FAM174C: variants seen among roughly 807,000 people sequenced by gnomAD.
FAM174C encodes the protein protein FAM174C.
A neutral mutation model predicts 12.3 loss-of-function variants in FAM174C; 19 were observed. The observed-to-expected ratio is 1.55, with a 90% CI of 1.08 to 2.27. The LOEUF is 2.27. Among genes scored for constraint, FAM174C ranks in the 30% most tolerant of loss-of-function variants. The pLI, the probability that FAM174C is intolerant of heterozygous loss-of-function variation, is 0.00. For synonymous variants in FAM174C, 147 were observed against 103.5 expected, an observed-to-expected ratio of 1.42 and a Z score of -2.55; for missense variants, 239 against 190.2, an observed-to-expected ratio of 1.26 and a Z score of -1.51.
Position 1,277,201 on chromosome 19 carries a change from G to A in FAM174C, c.300G>A (p.Arg100=), listed in dbSNP as rs1254702253. The change falls in exon 2 of 3, where the codon CGG becomes CGA. Residue 100 remains arginine (R), a synonymous_variant. Transcript: ENST00000409293. ...IRAFRLKKPQ[R]RRYGLLANTE... is the part of the protein sequence containing the mutation. Reference sequence around the variant, plus strand: ...CTTCCAGGTTGAAGAAGCCTCAGCGGAGGCGATACGGCCTCCTCGCCAACA... The same window carrying A: ...CTTCCAGGTTGAAGAAGCCTCAGCGAAGGCGATACGGCCTCCTCGCCAACA... 3.9e-6 allele frequency: 6 copies of A among 1,543,276 alleles called. No homozygotes were observed. Among genetic ancestry groups the A allele is most frequent in the Non-Finnish European group, 5.3e-6 (6 of 1,140,828 alleles).
At position 1,278,808 on chromosome 19, in the gene FAM174C, G is replaced by T; in HGVS notation, c.*31G>T. Reference sequence around the variant, plus strand: ...AGCCAGGGAGGCGGCCCTTCCAGCAGCCATGAGGGAAGGACAGGAGATGGG... The same window carrying T: ...AGCCAGGGAGGCGGCCCTTCCAGCATCCATGAGGGAAGGACAGGAGATGGG... On this transcript the variant is annotated 3_prime_UTR_variant, in exon 3 of 3. Transcript: ENST00000409293. 2 of 1,613,030 alleles carry T rather than the reference G, an allele frequency of 1.2e-6. No individual in the cohort carries two copies. The highest frequency in any genetic ancestry group is 8.5e-7 in the Non-Finnish European group (1 of 1,179,894).
chr19:1,278,268 G>C (rs1177852819), intron 2 of FAM174C, among the ~76,000 whole-genome samples: 1 of 152,262 alleles, frequency 6.6e-6, no homozygotes, highest in African/African-American at 2.4e-5. Flanking sequence ...TCAGGCCGAG[G>C]GAACAGCAGG....
chr19:1,278,732 G>A (rs745889214), intron 2 of FAM174C, 45 bp from the exon 3 acceptor site: 34 of 1,608,690 alleles, frequency 2.1e-5, no homozygotes, highest in African/African-American at 2.7e-5. Context: ...CCGGCAGGGC[G>A]GGCCCTTCAC....
At chr19:1,277,048 G>A in intron 1 of FAM174C, 135 bp from the exon 2 acceptor site, 2 of 1,324,562 alleles carry the variant, frequency 1.5e-6, no homozygotes, top group Non-Finnish European at 2.0e-6. Context: ...CATGAAAGAA[G>A]CAGGCACAGC....
Position 1,278,838 on chromosome 19 carries a change from A to G in FAM174C, c.*61A>G. ...GAGGGAAGGACAGGAGATGGGGCCC[A>G]CCCCAGTGCCCAGCAACCCCCTGCT... On this transcript the variant is annotated 3_prime_UTR_variant, in exon 3 of 3. Coordinates refer to ENST00000409293, the MANE Select transcript of FAM174C (RefSeq NM_017914.4). 1 of 1,612,998 alleles carries G rather than the reference A, an allele frequency of 6.2e-7. No individual in the cohort carries two copies. Among genetic ancestry groups the G allele is most frequent in the Non-Finnish European group, 8.5e-7 (1 of 1,179,884 alleles).
At chr19:1,276,999 T>C (rs1356915152) in intron 1 of FAM174C, 184 bp from the exon 2 acceptor site, 13 of 943,364 alleles carry the variant, frequency 1.4e-5, no homozygotes, top group Non-Finnish European at 1.8e-5. Context: ...CTTACTGTCA[T>C]CGCCATGGGA....
At position 1,279,201 on chromosome 19, in the gene FAM174C, G is replaced by C; in HGVS notation, c.*424G>C. The C allele has an allele frequency of 1.2e-6, 2 of 1,610,356 alleles. No homozygotes were observed. The highest frequency in any genetic ancestry group is 1.7e-6 in the Non-Finnish European group (2 of 1,178,394). On this transcript the variant is annotated 3_prime_UTR_variant, in exon 3 of 3. Transcript: ENST00000409293. ...TGGGAACACCTTCTCGCCGGGCTGG[G>C]AACAATAAATGCAGCCATGTCTCTG...
In FAM174C at chr19:1,277,289, A is replaced by T; in HGVS notation, c.388A>T (p.Asn130Tyr). ...SDEETVFESR[N>Y]LR is the part of the protein sequence containing the mutation. ...CGAGGAGACGGTGTTTGAGTCCCGG[A>T]ATCTGAGATGGTGTGCACCCTTCCC... Residue 130 changes from asparagine (N) to tyrosine (Y), a missense_variant, in exon 2 of 3, where the codon AAT (asparagine) becomes TAT (tyrosine). Transcript: ENST00000409293. 6.5e-7 allele frequency: 1 copy of T among 1,547,846 alleles called. No individual in the cohort carries two copies. Among genetic ancestry groups the T allele is most frequent in the Non-Finnish European group, 8.7e-7 (1 of 1,144,442 alleles).
chr19:1,277,069 A>G lies in FAM174C; in HGVS notation c.282-114A>G, dbSNP rs1015664082. 4.2e-5 allele frequency: 59 copies of G among 1,397,952 alleles called. 1 individual carries two copies. In the Middle Eastern group the frequency reaches 5.7e-4, roughly 14 times the overall value. 86.6% of individuals were successfully genotyped at this position (1,397,952 alleles called of 1,614,324 possible). Reference sequence around the variant, plus strand: ...AGAAGCAGGCACAGCAAAACCAGGGAGGTCTGCAGCAGGGCTCGGGGCTCC... The same window carrying G: ...AGAAGCAGGCACAGCAAAACCAGGGGGGTCTGCAGCAGGGCTCGGGGCTCC... On this transcript the variant is annotated intron_variant, in intron 1 of 2. Coordinates refer to ENST00000409293, the MANE Select transcript of FAM174C (RefSeq NM_017914.4).
chr19:1,275,767 C>A lies in FAM174C; in HGVS notation c.218C>A (p.Ser73Tyr), dbSNP rs1568846204. The A allele has an allele frequency of 3.9e-6, 6 of 1,539,684 alleles. No homozygotes were observed. In the South Asian group the frequency reaches 4.8e-5, roughly 12 times the overall value. Residue 73 changes from serine to tyrosine, a missense_variant, in exon 1 of 3, where the codon TCC (serine) becomes TAC (tyrosine). Transcript: ENST00000409293. ...GCGTCGGGCTCGGCGCTGACGCGCT[C>A]CTTCTACGTGATCCTGGGCTTCTGC... ...PGASGSALTR[S>Y]FYVILGFCGL...
In FAM174C at chr19:1,277,183, G is replaced by A. The variant is rs1001539687; in HGVS notation, c.282G>A (p.Arg94=). ...TALYFLIRAF[R]LKKPQRRRYG... The stretch of plus-strand genomic sequence containing the variant: ...TGACTATGCCTGGACCTACTTCCAG[G>A]TTGAAGAAGCCTCAGCGGAGGCGAT... Residue 94 remains arginine, a splice_region_variant and synonymous_variant, in exon 2 of 3, where the codon AGG becomes AGA. Coordinates refer to ENST00000409293, the MANE Select transcript of FAM174C (RefSeq NM_017914.4). 2.0e-5 allele frequency: 31 copies of A among 1,538,018 alleles called. No individual in the cohort carries two copies. Among genetic ancestry groups the A allele is most frequent in the Non-Finnish European group, 2.6e-5 (29 of 1,136,320 alleles).
In FAM174C at chr19:1,275,800, C is replaced by T. The variant is rs774614230; in HGVS notation, c.251C>T (p.Thr84Ile). Residue 84 changes from threonine (T) to isoleucine (I), a missense_variant, in exon 1 of 3, where the codon ACC becomes ATC. Transcript: ENST00000409293. ...GTGATCCTGGGCTTCTGCGGCCTGA[C>T]CGCGCTCTACTTCCTGATCCGGGCG... ...FYVILGFCGL[T>I]ALYFLIRAFR... The T allele has an allele frequency of 3.9e-6, 6 of 1,538,304 alleles. No homozygotes were observed. The highest frequency in any genetic ancestry group is 1.7e-4 in the Middle Eastern group (1 of 5,874).
chr19:1,276,734 C>CT (rs2081417195), intron 1 of FAM174C: 2 of 156,520 alleles, frequency 1.3e-5, no homozygotes, highest in South Asian at 3.6e-4. Flanking sequence ...CTCCCCTGTG[C>CT]TCCACACCTC....
At position 1,279,016 on chromosome 19, in the gene FAM174C, G is replaced by A; in HGVS notation, c.*239G>A. 6 of 1,611,664 alleles carry A rather than the reference G, an allele frequency of 3.7e-6. No individual in the cohort carries two copies. The highest frequency in any genetic ancestry group is 5.1e-6 in the Non-Finnish European group (6 of 1,179,954). ...GCCTCCTGGATGCTGTCCCAGCCTGGCCGAGGGTCCCAGGTGAAGACTGGA... is the reference window on the plus strand; with the variant it reads ...GCCTCCTGGATGCTGTCCCAGCCTGACCGAGGGTCCCAGGTGAAGACTGGA... On this transcript the variant is annotated 3_prime_UTR_variant, in exon 3 of 3. Transcript: ENST00000409293.
chr19:1,275,665 T>C lies in FAM174C; in HGVS notation c.116T>C (p.Leu39Ser), dbSNP rs927076253. 9 of 1,431,312 alleles carry C rather than the reference T, an allele frequency of 6.3e-6. No homozygotes were observed. In the African/African-American group the frequency reaches 1.2e-4, roughly 19 times the overall value. The allele number at this position is 1,431,312 out of a possible 1,614,324, so 88.7% of individuals were successfully genotyped here. The change falls in exon 1 of 3, where the codon TTG becomes TCG. Residue 39 changes from leucine (L) to serine (S), a missense_variant. Coordinates refer to ENST00000409293, the MANE Select transcript of FAM174C (RefSeq NM_017914.4). ...CCGCTGCGCCCCGCGCAGGTCACGT[T>C]GTCGCCGCCGCCGGCCGTGACGAAC... ...ASPLRPAQVT[L>S]SPPPAVTNGS...
At position 1,277,426 on chromosome 19, in the gene FAM174C, C is replaced by T. The variant is rs1048988827; in HGVS notation, c.398+127C>T. 34 of 1,405,158 alleles carry T rather than the reference C, an allele frequency of 2.4e-5. No individual in the cohort carries two copies. In the African/African-American group the frequency reaches 3.4e-4, roughly 14 times the overall value. The allele number at this position is 1,405,158 out of a possible 1,614,324, so 87.0% of individuals were successfully genotyped here. ...TCACAGCTGACAGCGGTAGTCAGGCCATGGCCCCACTGGGCAGGGCTCATC... is the reference window on the plus strand; with the variant it reads ...TCACAGCTGACAGCGGTAGTCAGGCTATGGCCCCACTGGGCAGGGCTCATC... On this transcript the variant is annotated intron_variant, in intron 2 of 2. Transcript: ENST00000409293.
rs541504536 is a variant in FAM174C, at chr19:1,275,559, C to A, written c.10C>A (p.Arg4Ser). ...CCGCTTCCGCCGGGCCATGGGGCCG[C>A]GCGTGCTGCAGCCGCCGCTGCTGCT... The part of the protein sequence containing the change: MGP[R>S]VLQPPLLLLL... Residue 4 changes from arginine to serine, a missense_variant, in exon 1 of 3, where the codon CGC (arginine) becomes AGC (serine). Coordinates refer to ENST00000409293, the MANE Select transcript of FAM174C (RefSeq NM_017914.4). 4.4e-5 allele frequency: 53 copies of A among 1,217,376 alleles called. No homozygotes were observed. Among genetic ancestry groups the A allele is most frequent in the Non-Finnish European group, 5.2e-5 (51 of 979,720 alleles). 75.4% of individuals were successfully genotyped at this position (1,217,376 alleles called of 1,614,324 possible).
Position 1,277,261 on chromosome 19 carries a change from C to A in FAM174C, c.360C>A (p.Ser120Arg). The A allele has an allele frequency of 1.9e-6, 3 of 1,549,090 alleles. No homozygotes were observed. Among genetic ancestry groups the A allele is most frequent in the Non-Finnish European group, 2.6e-6 (3 of 1,145,452 alleles). Residue 120 changes from serine (S) to arginine (R), a missense_variant, in exon 2 of 3, where the codon AGC (serine) becomes AGA (arginine). Physicochemically the swap from Ser to Arg is moderately radical, Grantham distance 110. Coordinates refer to ENST00000409293, the MANE Select transcript of FAM174C (RefSeq NM_017914.4). ...EDPTEMASLD[S>R]DEETVFESRN... ...CCACGGAGATGGCCTCGCTGGACAG[C>A]GACGAGGAGACGGTGTTTGAGTCCC...
At chr19:1,275,979 G>C (rs1371490589) in intron 1 of FAM174C, 149 bp downstream of exon 1, 3 of 768,588 alleles carry the variant, frequency 3.9e-6, no homozygotes, top group African/African-American at 3.7e-5. Flanking sequence ...GTGCTGTGCG[G>C]GGTCGTCACG....
Sources: gnomAD v4.1 joint callset for allele counts (sites outside exome capture counted in the v4.1 genomes callset) on GRCh38, gnomAD v4.1.1 for gene constraint, MANE v1.5 for transcripts, NCBI Gene and HGNC (gene_info 2026-07-23, HGNC 2026-07-21) for gene names.